ZNF483: variants seen among roughly 807,000 people sequenced by gnomAD.
The protein encoded by ZNF483 is zinc finger protein 483.
A neutral mutation model predicts 28.6 loss-of-function variants in ZNF483; 9 were observed. The ratio of observed to expected loss-of-function variants is 0.32; its 90% CI spans 0.19 to 0.55. The LOEUF is 0.55. Among genes scored for constraint, ZNF483 ranks in the 20% least tolerant of loss-of-function variants. The pLI is 0.93. For synonymous variants in ZNF483, 322 were observed against 306.2 expected (o/e 1.05, Z -0.54); for missense variants, 675 against 871.7 (o/e 0.77, Z 2.84).
rs1827921478 is a variant in ZNF483 at position 111,550,878 on chromosome 9, T to C, written c.*7708T>C. 6.6e-6 allele frequency among the ~76,000 whole-genome samples: 1 copy of C among 152,248 alleles called. No homozygotes were observed. Among genetic ancestry groups the C allele is most frequent in the African/African-American group, 2.4e-5 (1 of 41,466 alleles). ...ATTATAGTGTCTTTCTGTGTTATTC[T>C]GCTCCCTGCATTATCCCTGTTTCCT... On this transcript the variant is annotated 3_prime_UTR_variant, in exon 6 of 6. Coordinates refer to ENST00000309235, the MANE Select transcript of ZNF483 (RefSeq NM_133464.5).
At chr9:111,538,272 T>C (rs954261885) in intron 5 of ZNF483, among the ~76,000 whole-genome samples, 19 of 151,920 alleles carry the variant, frequency 1.3e-4, no homozygotes, top group Admixed American at 2.6e-4. Context: ...CTCAACACTT[T>C]GGGAGGTCAA....
At position 111,551,888 on chromosome 9, in the gene ZNF483, CAATAT is replaced by C. The variant is rs374553345; in HGVS notation, c.*8720_*8724del. Among the ~76,000 whole-genome samples the C allele has an allele frequency of 2.1e-4, 32 of 152,286 alleles. No homozygotes were observed. The highest frequency in any genetic ancestry group is 4.1e-4 in the South Asian group (2 of 4,826). ...ATGGAAACAAAACAGTTTATCAATA[CAATAT>C]ATCATTCTTCAGATTTTGCTTATTT... is the stretch of plus-strand genomic sequence containing the variant. On this transcript the variant is annotated 3_prime_UTR_variant, in exon 6 of 6. Coordinates refer to ENST00000309235, the MANE Select transcript of ZNF483 (RefSeq NM_133464.5).
chr9:111,526,712 T>A (rs1827192773), intron 1 of ZNF483, among the ~76,000 whole-genome samples: 1 of 152,202 alleles, frequency 6.6e-6, no homozygotes, highest in South Asian at 2.1e-4. Context: ...GGTCCCCTTG[T>A]GAACCTTTTC....
downstream of ZNF483, among the ~76,000 whole-genome samples, chr9:111,559,645 C>T (rs1051619317): frequency 7.1e-6 from 1 of 141,232 alleles, no homozygotes. Context: ...CACACACATA[C>T]AGCACACACA....
At chr9:111,559,645 C>A (rs1051619317), downstream of ZNF483, among the ~76,000 whole-genome samples, 3 of 141,232 alleles carry the variant, frequency 2.1e-5, no homozygotes, top group Non-Finnish European at 4.5e-5. Flanking sequence ...CACACACATA[C>A]AGCACACACA....
chr9:111,542,251 A>G lies in ZNF483; in HGVS notation c.1316A>G (p.His439Arg), dbSNP rs1423029840. ...GGAAATGAGAGTGGAGAAAAAACTC[A>G]TAAATGTAGTAAGTGTGGAAAAGCC... Reference protein sequence around the residue: ...DEGNESGEKTHKCSKCGKAFG... With the variant: ...DEGNESGEKTRKCSKCGKAFG... Residue 439 changes from histidine (H) to arginine (R), a missense_variant, in exon 6 of 6, where the codon CAT becomes CGT. Around this residue, in one of 6 missense-constraint regions of ZNF483, gnomAD observed 525 missense variants for 581.8 expected, o/e 0.90. Coordinates refer to ENST00000309235, the MANE Select transcript of ZNF483 (RefSeq NM_133464.5). The surrounding 1 kb of genome is among the most constrained non-coding windows in gnomAD (Gnocchi z 6.2). The G allele has an allele frequency of 1.2e-6, 2 of 1,614,098 alleles. No individual in the cohort carries two copies. Among genetic ancestry groups the G allele is most frequent in the South Asian group, 1.1e-5 (1 of 91,092 alleles).
intron 5 of ZNF483, among the ~76,000 whole-genome samples, chr9:111,568,441 C>T (rs541178760): frequency 1.3e-5 from 2 of 152,124 alleles, no homozygotes; most frequent in African/African-American, 2.4e-5. Context: ...TCTCTGCTTT[C>T]GAACCCTGTT....
chr9:111,553,195 T>G lies in ZNF483; in HGVS notation c.*10025T>G, dbSNP rs77518105. The stretch of plus-strand genomic sequence containing the variant: ...ACTATGTATCTTTAACACTTTTGAA[T>G]AGAACAAACAGCTTTTCCATTTTGC... On this transcript the variant is annotated 3_prime_UTR_variant, in exon 6 of 6. Transcript: ENST00000309235. 1.1e-3 allele frequency among the ~76,000 whole-genome samples: 170 copies of G among 152,332 alleles called. 3 individuals carry two copies. The East Asian group carries it at 0.024, about 21-fold the overall frequency.
At chr9:111,559,203 C>T (rs1440146970), downstream of ZNF483, among the ~76,000 whole-genome samples, 1 of 152,120 alleles carries the variant, frequency 6.6e-6, no homozygotes, top group African/African-American at 2.4e-5. Flanking sequence ...CACGTGATAC[C>T]CTCCTACCTC....
intron 5 of ZNF483, among the ~76,000 whole-genome samples, chr9:111,537,165 G>A (rs1349809912): frequency 1.3e-5 from 2 of 151,936 alleles, no homozygotes; most frequent in South Asian, 2.1e-4. Flanking sequence ...CCATTTTTAC[G>A]GTGATAGGCA....
chr9:111,577,196 C>G (rs557472409), exon 6 of ZNF483: 1 of 152,064 alleles, frequency 6.6e-6, no homozygotes, highest in Non-Finnish European at 1.5e-5. Context: ...CAAATACATA[C>G]GTTGAAAGAT....
chr9:111,556,037 CAAGT>C (rs1828111885), downstream of ZNF483, among the ~76,000 whole-genome samples: 5 of 152,204 alleles, frequency 3.3e-5, no homozygotes, highest in South Asian at 1.0e-3. Flanking sequence ...AAGTCAAAAA[CAAGT>C]TAGTTACTTC....
At chr9:111,576,406 G>A (rs1256465061) in exon 6 of ZNF483, 3 of 1,613,998 alleles carry the variant, frequency 1.9e-6, no homozygotes, top group Admixed American at 1.7e-5. Flanking sequence ...GTTCTCTGAG[G>A]CTGAATAAGA....
intron 5 of ZNF483, chr9:111,570,145 C>G (rs1224204076): frequency 6.2e-7 from 1 of 1,614,092 alleles, no homozygotes; most frequent in African/African-American, 1.3e-5. Context: ...CATCTCCTTG[C>G]CAGCGGTAGA....
At chr9:111,557,265 T>C (rs538127895), downstream of ZNF483, among the ~76,000 whole-genome samples, 67 of 151,856 alleles carry the variant, frequency 4.4e-4, no homozygotes, top group Admixed American at 7.2e-4. Flanking sequence ...TCCCAGCTAC[T>C]TGGGAGGCTG....
At chr9:111,555,743 G>A (rs1316862549), downstream of ZNF483, among the ~76,000 whole-genome samples, 8 of 152,128 alleles carry the variant, frequency 5.3e-5, no homozygotes, top group Non-Finnish European at 1.2e-4. Flanking sequence ...GAGAACAACA[G>A]GAGGGAAATC....
chr9:111,570,771 T>G (rs942844683), intron 5 of ZNF483, among the ~76,000 whole-genome samples: 1 of 152,014 alleles, frequency 6.6e-6, no homozygotes, highest in African/African-American at 2.4e-5. Flanking sequence ...AGAATGAGAC[T>G]CTGCCTCAAA....
rs1297640675 is a variant in ZNF483 at position 111,543,116 on chromosome 9, A to G, written c.2181A>G (p.Thr727=). The change falls in exon 6 of 6, where the codon ACA becomes ACG. Residue 727 remains threonine, a synonymous_variant. Transcript: ENST00000309235. The stretch of plus-strand genomic sequence containing the variant: ...ATGAATGTAACGAATGTGAGAAGAC[A>G]TTTAAAAGTAATTCAGGCCTCATTA... The part of the protein sequence containing the change: ...REYECNECEK[T]FKSNSGLIRH... The G allele has an allele frequency of 1.2e-6, 2 of 1,613,854 alleles. No homozygotes were observed. Among genetic ancestry groups the G allele is most frequent in the African/African-American group, 2.7e-5 (2 of 74,946 alleles).
At chr9:111,566,617 C>T (rs1828573207) in intron 5 of ZNF483, among the ~76,000 whole-genome samples, 1 of 152,160 alleles carries the variant, frequency 6.6e-6, no homozygotes, top group African/African-American at 2.4e-5. Flanking sequence ...AAGGGATTGT[C>T]TTATTTGCTA....
Sources: gnomAD v4.1 joint callset for allele counts (sites outside exome capture counted in the v4.1 genomes callset) on GRCh38, gnomAD v4.1.1 for gene constraint, gnomAD v4.1.1 regional missense constraint, Gnocchi (gnomAD v3.1) non-coding constraint, MANE v1.5 for transcripts, NCBI Gene and HGNC (gene_info 2026-07-23, HGNC 2026-07-21) for gene names.